Variants in HS6ST3 observed in about 807,000 individuals in gnomAD.
HS6ST3 encodes the protein heparan sulfate 6-O-sulfotransferase 3, also known as heparan-sulfate 6-O-sulfotransferase 3.
HS6ST3 carries 12 observed loss-of-function variants against 36.7 expected under a neutral mutation model. That is an observed-to-expected ratio of 0.33 (90% confidence interval 0.21 to 0.53). The LOEUF (loss-of-function observed/expected upper bound fraction) is 0.53, where lower values mean the gene tolerates loss of function less well. HS6ST3 is among the 20% of genes least tolerant of loss of function. The pLI is 0.95. For synonymous variants in HS6ST3, 240 were observed against 257.5 expected (o/e 0.93, Z 0.65); for missense variants, 584 against 640.9 (o/e 0.91, Z 0.96).
At chr13:96,597,318 C>T (rs1294991481) in intron 1 of HS6ST3, among the ~76,000 whole-genome samples, 2 of 150,072 alleles carry the variant, frequency 1.3e-5, no homozygotes, top group Non-Finnish European at 3.0e-5. Context: ...CAAACCTGCA[C>T]ATGTACCCCT....
At chr13:96,330,111 A>G (rs1386196360) in intron 1 of HS6ST3, among the ~76,000 whole-genome samples, 2 of 139,214 alleles carry the variant, frequency 1.4e-5, no homozygotes, top group Non-Finnish European at 3.1e-5. Flanking sequence ...AATACAGCAC[A>G]CTGATGGGTC....
intron 1 of HS6ST3, among the ~76,000 whole-genome samples, chr13:96,779,532 A>T (rs1429850762): frequency 6.6e-6 from 1 of 151,956 alleles, no homozygotes; most frequent in Non-Finnish European, 1.5e-5. Context: ...AAGACCATGA[A>T]TTGAGGGATC....
intron 1 of HS6ST3, among the ~76,000 whole-genome samples, chr13:96,754,663 T>G (rs981561577): frequency 1.3e-5 from 2 of 152,248 alleles, no homozygotes; most frequent in African/African-American, 4.8e-5. Flanking sequence ...ACATTGAAGA[T>G]ATTATTCTAT....
intron 1 of HS6ST3, among the ~76,000 whole-genome samples, chr13:96,265,410 A>T (rs957905355): frequency 4.6e-5 from 7 of 152,014 alleles, no homozygotes; most frequent in Admixed American, 2.6e-4. Context: ...AAACTCCTGG[A>T]CTTAAACAAT....
intron 1 of HS6ST3, among the ~76,000 whole-genome samples, chr13:96,508,807 T>G (rs1214823454): frequency 6.6e-6 from 1 of 152,186 alleles, no homozygotes; most frequent in African/African-American, 2.4e-5. Context: ...TTCCATATCT[T>G]TACAGTTTTG....
intron 1 of HS6ST3, among the ~76,000 whole-genome samples, chr13:96,295,107 C>T (rs973553668): frequency 9.9e-5 from 15 of 152,034 alleles, no homozygotes; most frequent in South Asian, 2.1e-4. Context: ...GGATGATCAA[C>T]GAATGGGCTT....
chr13:96,580,421 T>G (rs1004330190), intron 1 of HS6ST3, among the ~76,000 whole-genome samples: 6 of 151,746 alleles, frequency 4.0e-5, no homozygotes, highest in African/African-American at 1.2e-4. Flanking sequence ...AGTTGTACCT[T>G]ATAGATGAGT....
chr13:96,434,346 A>G (rs566549321), intron 1 of HS6ST3, among the ~76,000 whole-genome samples: 18 of 152,112 alleles, frequency 1.2e-4, no homozygotes, highest in Admixed American at 3.3e-4. Flanking sequence ...TCTCCAGGAT[A>G]TTTTCTTCTT....
chr13:96,360,911 A>G (rs1387008824), intron 1 of HS6ST3, among the ~76,000 whole-genome samples: 1 of 146,730 alleles, frequency 6.8e-6, no homozygotes, highest in Admixed American at 7.0e-5. Context: ...TTGCCACTGT[A>G]CTCCAGCCTG....
chr13:96,695,383 A>G (rs1311371956), intron 1 of HS6ST3, among the ~76,000 whole-genome samples: 1 of 152,220 alleles, frequency 6.6e-6, no homozygotes, highest in African/African-American at 2.4e-5. Context: ...AAATAGGCAT[A>G]CAATTCCTGG....
At chr13:96,385,787 G>A (rs1047051550) in intron 1 of HS6ST3, among the ~76,000 whole-genome samples, 1 of 152,090 alleles carries the variant, frequency 6.6e-6, no homozygotes, top group African/African-American at 2.4e-5. Flanking sequence ...TAGTATTTTA[G>A]GTACTGTAAT....
chr13:96,721,814 G>T (rs1373605437), intron 1 of HS6ST3, among the ~76,000 whole-genome samples: 3 of 152,168 alleles, frequency 2.0e-5, no homozygotes, highest in Non-Finnish European at 4.4e-5. Flanking sequence ...TTACTGCAGT[G>T]AAACTTATGA....
chr13:96,650,557 A>G (rs2056603884), intron 1 of HS6ST3, among the ~76,000 whole-genome samples: 1 of 152,018 alleles, frequency 6.6e-6, no homozygotes, highest in African/African-American at 2.4e-5. Context: ...TTTATCTGAA[A>G]CAACCAAGAA....
chr13:96,452,874 A>T (rs569500775), intron 1 of HS6ST3, among the ~76,000 whole-genome samples: 2 of 152,198 alleles, frequency 1.3e-5, no homozygotes, highest in East Asian at 3.9e-4. Flanking sequence ...CCTGGGAGGA[A>T]TTGCATGATG....
intron 1 of HS6ST3, among the ~76,000 whole-genome samples, chr13:96,408,643 G>C (rs2055490875): frequency 6.6e-6 from 1 of 152,152 alleles, no homozygotes; most frequent in Admixed American, 6.5e-5. Context: ...TGCTAATCAG[G>C]TCAGGCATGG....
chr13:96,321,986 C>T (rs1336375520), intron 1 of HS6ST3, among the ~76,000 whole-genome samples: 3 of 149,378 alleles, frequency 2.0e-5, no homozygotes, highest in Admixed American at 6.6e-5. Flanking sequence ...TGACTTTATT[C>T]TGACTTCACT....
chr13:96,596,268 G>T (rs1393952746), intron 1 of HS6ST3, among the ~76,000 whole-genome samples: 1 of 152,132 alleles, frequency 6.6e-6, no homozygotes, highest in African/African-American at 2.4e-5. Flanking sequence ...TGCTGTGAAA[G>T]ACATTATTTT....
chr13:96,538,135 T>A (rs1410966921), intron 1 of HS6ST3, among the ~76,000 whole-genome samples: 2 of 152,016 alleles, frequency 1.3e-5, no homozygotes, highest in Non-Finnish European at 2.9e-5. Context: ...AATTAGAGCC[T>A]GAGGTCCCCT....
chr13:96,766,726 C>T (rs1049669586), intron 1 of HS6ST3, among the ~76,000 whole-genome samples: 10 of 152,102 alleles, frequency 6.6e-5, no homozygotes, highest in Non-Finnish European at 5.9e-5. Flanking sequence ...GAAAATAATA[C>T]GCTCTTTGTC....
Sources: allele counts gnomAD v4.1 joint callset (sites outside exome capture counted in the v4.1 genomes callset), GRCh38; gene constraint gnomAD v4.1.1; transcripts MANE v1.5; gene names NCBI Gene and HGNC (gene_info 2026-07-23, HGNC 2026-07-21).